Variants in NMNAT2 observed in about 807,000 individuals in gnomAD.
NMNAT2 encodes the protein nicotinamide nucleotide adenylyltransferase 2.
Under a neutral mutation model 41.6 loss-of-function variants are expected in NMNAT2, and 11 were observed. The observed-to-expected ratio is 0.26, with a 90% CI of 0.17 to 0.44. The LOEUF is 0.44. Ranked by LOEUF, NMNAT2 falls within the 20% of genes least tolerant of loss-of-function variation. The probability of loss-of-function intolerance (pLI) is 1.00; values close to 1 mark genes in which losing one functional copy is unlikely to be tolerated. For missense variants in NMNAT2, 288 were observed against 407.7 expected (o/e 0.71, Z 2.53); for synonymous variants, 148 against 151.2 (o/e 0.98, Z 0.16).
Position 183,409,480 on chromosome 1 carries a change from C to A in NMNAT2, c.85+8703G>T, listed in dbSNP as rs544944607. 7.9e-5 allele frequency among the ~76,000 whole-genome samples: 12 copies of A among 152,160 alleles called. No individual in the cohort carries two copies. In the South Asian group the frequency reaches 2.5e-3, roughly 32 times the overall value. The stretch of plus-strand genomic sequence containing the variant: ...TGCAGATGCACACCACCACACCTGG[C>A]TAATTTTTAAATTTTCTGTAGAGAT... On this transcript the variant is annotated intron_variant, in intron 1 of 10. Coordinates refer to ENST00000287713, the MANE Select transcript of NMNAT2 (RefSeq NM_015039.4).
intron 1 of NMNAT2, among the ~76,000 whole-genome samples, chr1:183,405,434 GA>G (rs1195399435): frequency 6.6e-6 from 1 of 152,166 alleles, no homozygotes; most frequent in Non-Finnish European, 1.5e-5. Context: ...TTTTTCATAA[GA>G]AAAATGGCTT....
In NMNAT2 at chr1:183,252,443, T is replaced by C; in HGVS notation, c.*198A>G. The C allele has an allele frequency of 2.1e-5, 7 of 333,236 alleles. No individual in the cohort carries two copies. The highest frequency in any genetic ancestry group is 1.7e-4 in the East Asian group (2 of 12,000). The allele number at this position is 333,236 out of a possible 1,614,324, so 20.6% of individuals were successfully genotyped here. A position where few individuals can be genotyped will look rare whatever the true frequency, so the allele number is the denominator to read the frequency against. On this transcript the variant is annotated 3_prime_UTR_variant, in exon 11 of 11. Coordinates refer to ENST00000287713, the MANE Select transcript of NMNAT2 (RefSeq NM_015039.4). ...CCTCACCCACCCCCAACCCGGAGAC[T>C]AGAGGAAAGTCTGTCCAAAGATGAC... is the stretch of plus-strand genomic sequence containing the variant.
chr1:183,294,651 GC>G (rs1357694006), intron 1 of NMNAT2, among the ~76,000 whole-genome samples: 1 of 152,224 alleles, frequency 6.6e-6, no homozygotes, highest in East Asian at 1.9e-4. Flanking sequence ...TTAGCCAGAC[GC>G]GGTGGCAGGC....
At chr1:183,288,789 A>G (rs755594777) in intron 4 of NMNAT2, among the ~76,000 whole-genome samples, 9 of 152,250 alleles carry the variant, frequency 5.9e-5, no homozygotes, top group Non-Finnish European at 1.3e-4. Context: ...GTCTTTGCCT[A>G]TCCTGACTGA....
chr1:183,357,020 A>G (rs1190571401), intron 1 of NMNAT2, among the ~76,000 whole-genome samples: 2 of 152,140 alleles, frequency 1.3e-5, no homozygotes, highest in African/African-American at 2.4e-5. Context: ...TCTGCTACAG[A>G]TAATATAAAA....
At chr1:183,400,076 G>A (rs1426806315) in intron 1 of NMNAT2, among the ~76,000 whole-genome samples, 1 of 152,152 alleles carries the variant, frequency 6.6e-6, no homozygotes, top group Non-Finnish European at 1.5e-5. Context: ...AATCAGGGAG[G>A]AGAAAGAAAT....
At position 183,362,147 on chromosome 1, in the gene NMNAT2, C is replaced by T. The variant is rs548165459; in HGVS notation, c.85+56036G>A. Among the ~76,000 whole-genome samples the T allele has an allele frequency of 5.9e-5, 9 of 152,220 alleles. No homozygotes were observed. In the South Asian group the frequency reaches 1.9e-3, roughly 32 times the overall value. On this transcript the variant is annotated intron_variant, in intron 1 of 10. Coordinates refer to ENST00000287713, the MANE Select transcript of NMNAT2 (RefSeq NM_015039.4). Reference sequence around the variant, plus strand: ...CAAGACGGGATTTCTTCATTTTGGCCAGGCTGGTCTCTAACTCCTGACCTC... The same window carrying T: ...CAAGACGGGATTTCTTCATTTTGGCTAGGCTGGTCTCTAACTCCTGACCTC...
At chr1:183,368,025 T>C (rs1450725361) in intron 1 of NMNAT2, among the ~76,000 whole-genome samples, 1 of 152,172 alleles carries the variant, frequency 6.6e-6, no homozygotes, top group African/African-American at 2.4e-5. Context: ...GGTCTATGTA[T>C]GTCTGCTGAA....
intron 1 of NMNAT2, among the ~76,000 whole-genome samples, chr1:183,388,324 A>T (rs1183519990): frequency 6.6e-6 from 1 of 152,216 alleles, no homozygotes; most frequent in Non-Finnish European, 1.5e-5. Flanking sequence ...GCAGGCAGGG[A>T]TGTAGCAAAC....
At chr1:183,401,438 G>A (rs1484104644) in intron 1 of NMNAT2, among the ~76,000 whole-genome samples, 1 of 152,198 alleles carries the variant, frequency 6.6e-6, no homozygotes, top group Non-Finnish European at 1.5e-5. Context: ...AGGATGTGGA[G>A]AAATAGGAAA....
intron 1 of NMNAT2, among the ~76,000 whole-genome samples, chr1:183,305,770 G>T (rs1156495156): frequency 1.4e-5 from 2 of 144,856 alleles, no homozygotes; most frequent in Admixed American, 1.4e-4. Context: ...GCCCAGGCTG[G>T]AGTGCAGTGG....
intron 1 of NMNAT2, among the ~76,000 whole-genome samples, chr1:183,322,084 C>G (rs1418570862): frequency 6.6e-6 from 1 of 152,116 alleles, no homozygotes; most frequent in Non-Finnish European, 1.5e-5. Flanking sequence ...CTTGGCTTCC[C>G]AAAATGCTAG....
intron 10 of NMNAT2, 113 bp downstream of exon 10, chr1:183,260,889 C>G (rs1660640309): frequency 1.2e-6 from 1 of 806,276 alleles, no homozygotes; most frequent in Non-Finnish European, 2.2e-6. Context: ...AAGCTAAACA[C>G]CAGGGCAGCA....
chr1:183,345,822 G>C (rs751604954), intron 1 of NMNAT2, among the ~76,000 whole-genome samples: 2 of 151,968 alleles, frequency 1.3e-5, no homozygotes, highest in Non-Finnish European at 2.9e-5. Context: ...GAGTAGCTGG[G>C]ACTACAGGCA....
intron 1 of NMNAT2, among the ~76,000 whole-genome samples, chr1:183,361,623 A>G (rs753399575): frequency 5.3e-5 from 8 of 152,188 alleles, no homozygotes; most frequent in Middle Eastern, 3.2e-3. Flanking sequence ...TCATCATGCT[A>G]TCATATTATA....
intron 1 of NMNAT2, 45 bp downstream of exon 1, chr1:183,418,138 G>A: frequency 6.4e-7 from 1 of 1,552,318 alleles, no homozygotes; most frequent in Non-Finnish European, 8.9e-7. Flanking sequence ...GCCTGGGAAA[G>A]GAGAGGAGCG....
At chr1:183,351,679 A>C (rs1003111745) in intron 1 of NMNAT2, among the ~76,000 whole-genome samples, 3 of 152,212 alleles carry the variant, frequency 2.0e-5, no homozygotes, top group African/African-American at 7.2e-5. Flanking sequence ...TGATTTCCAC[A>C]CTGTTGGCAG....
intron 1 of NMNAT2, among the ~76,000 whole-genome samples, chr1:183,325,086 A>C (rs999237391): frequency 6.6e-6 from 1 of 152,164 alleles, no homozygotes; most frequent in Admixed American, 6.5e-5. Flanking sequence ...AGAGTATGTG[A>C]CTGGGGGCCC....
At chr1:183,353,179 TG>T (rs1663101469) in intron 1 of NMNAT2, among the ~76,000 whole-genome samples, 1 of 152,076 alleles carries the variant, frequency 6.6e-6, no homozygotes, top group Admixed American at 6.5e-5. Flanking sequence ...GCTAGTTTTT[TG>T]TATTTTTAGT....
Sources: allele counts gnomAD v4.1 joint callset (sites outside exome capture counted in the v4.1 genomes callset), GRCh38; gene constraint gnomAD v4.1.1; transcripts MANE v1.5; gene names NCBI Gene and HGNC (gene_info 2026-07-23, HGNC 2026-07-21).